The following UTP20 variants were observed in gnomAD, a reference collection of about 807,000 sequenced individuals.
The protein encoded by UTP20 is UTP20 small subunit processome component, also known as small subunit processome component 20 homolog.
A neutral mutation model predicts 329.5 loss-of-function variants in UTP20; 164 were observed. That is an observed-to-expected ratio of 0.50 (90% CI 0.44 to 0.57). The LOEUF (loss-of-function observed/expected upper bound fraction) is 0.57, where lower values mean the gene tolerates loss of function less well. Ranked by LOEUF, UTP20 falls within the 20% of genes least tolerant of loss-of-function variation. UTP20 has a pLI of 0.00. For missense variants in UTP20, 3,055 were observed against 3,284.2 expected (o/e 0.93, Z 1.71); for synonymous variants, 1,151 against 1,159.3 (o/e 0.99, Z 0.14).
At position 101,361,956 on chromosome 12, in the gene UTP20, T is replaced by G; in HGVS notation, c.5692-6T>G. 6.2e-7 allele frequency: 1 copy of G among 1,611,408 alleles called. No individual in the cohort carries two copies. Among genetic ancestry groups the G allele is most frequent in the Non-Finnish European group, 8.5e-7 (1 of 1,177,712 alleles). On this transcript the variant is annotated splice_region_variant and splice_polypyrimidine_tract_variant and intron_variant, in intron 43 of 61. Transcript: ENST00000261637. ...ATTCATGTTGTTGCTGTGTGTCTCA[T>G]GTTAGGTCCATGTGCTGACTTTCAC...
intron 38 of UTP20, 29 bp downstream of exon 38, chr12:101,346,617 C>T (rs929295022): frequency 1.3e-6 from 2 of 1,547,942 alleles, no homozygotes; most frequent in South Asian, 1.3e-5. Flanking sequence ...AAACCAAGGA[C>T]CCTCTTCCCA....
At position 101,356,554 on chromosome 12, in the gene UTP20, A is replaced by G. The variant is rs761708682; in HGVS notation, c.5395A>G (p.Thr1799Ala). 6.2e-6 allele frequency: 10 copies of G among 1,608,706 alleles called. No homozygotes were observed. In the East Asian group the frequency reaches 2.2e-4, roughly 36 times the overall value. ...PRLHKCLAST[T>A]KREEEHKLVK... ...AGCTTAACCTAAATTTTTCTTACAG[A>G]CTAAAAGGGAAGAAGAACACAAGCT... The change falls in exon 42 of 62, where the codon ACT becomes GCT. Residue 1799 changes from threonine to alanine, a missense_variant and splice_region_variant. Around this residue, in one of 3 missense-constraint regions of UTP20, gnomAD observed 2,445 missense variants for 2,575.5 expected, o/e 0.95. Coordinates refer to ENST00000261637, the MANE Select transcript of UTP20 (RefSeq NM_014503.3).
chr12:101,317,510 C>T lies in UTP20; in HGVS notation c.2585C>T (p.Ala862Val). 6.2e-7 allele frequency: 1 copy of T among 1,614,124 alleles called. No homozygotes were observed. Among genetic ancestry groups the T allele is most frequent in the Non-Finnish European group, 8.5e-7 (1 of 1,180,004 alleles). ...NEYYPADLQV[A>V]PTQDLRRKGK... ...TATTACCCAGCAGATCTGCAAGTTG[C>T]TCCAACCCAGGATCTACGGAGAAAA... The change falls in exon 22 of 62, where the codon GCT becomes GTT. Residue 862 changes from alanine (A) to valine (V), a missense_variant. Coordinates refer to ENST00000261637, the MANE Select transcript of UTP20 (RefSeq NM_014503.3).
chr12:101,354,740 G>C (rs774686561), intron 40 of UTP20, 92 bp from the exon 41 acceptor site: 1 of 1,369,632 alleles, frequency 7.3e-7, no homozygotes, highest in African/African-American at 1.5e-5. Flanking sequence ...ATTTTTTATC[G>C]GAAGTTGGAC....
In UTP20 at chr12:101,383,263, T is replaced by C; in HGVS notation, c.7879T>C (p.Ser2627Pro). Residue 2627 changes from serine (S) to proline (P), a missense_variant, in exon 59 of 62, where the codon TCC becomes CCC. This residue lies in a region of UTP20 where 337 missense variants were observed against 345.5 expected (regional missense o/e 0.98). Transcript: ENST00000261637. ...GCTGCTGTGGTTGATCCAGAAGCTG[T>C]CCCGGATTGCAAAACTGGAAGCTGC... Reference protein sequence around the residue: ...ATLLWLIQKLSRIAKLEAAYS... With the variant: ...ATLLWLIQKLPRIAKLEAAYS... 1 of 1,614,114 alleles carries C rather than the reference T, an allele frequency of 6.2e-7. No homozygotes were observed. Among genetic ancestry groups the C allele is most frequent in the Non-Finnish European group, 8.5e-7 (1 of 1,180,034 alleles).
intron 21 of UTP20, among the ~76,000 whole-genome samples, chr12:101,316,143 C>T (rs1872965016): frequency 6.6e-6 from 1 of 152,088 alleles, no homozygotes; most frequent in Non-Finnish European, 1.5e-5. Context: ...AAATATGTTT[C>T]AATTAATTTG....
rs371089875 is a variant in UTP20, at chr12:101,370,593, C to G, written c.6687+30C>G. 1.5e-4 allele frequency: 242 copies of G among 1,600,678 alleles called. 1 individual carries two copies. Among genetic ancestry groups the G allele is most frequent in the Middle Eastern group, 1.5e-3 (9 of 5,970 alleles). On this transcript the variant is annotated intron_variant, in intron 50 of 61. Coordinates refer to ENST00000261637, the MANE Select transcript of UTP20 (RefSeq NM_014503.3). ...GCTGTCGCCAGAATGTTGACTGTTACGGTTTATGAGTTTCACAGCAGATAT... is the reference window on the plus strand; with the variant it reads ...GCTGTCGCCAGAATGTTGACTGTTAGGGTTTATGAGTTTCACAGCAGATAT...
chr12:101,385,449 T>A, intron 60 of UTP20, 134 bp from the exon 61 acceptor site: 1 of 1,028,998 alleles, frequency 9.7e-7, no homozygotes, highest in South Asian at 1.6e-5. Flanking sequence ...AGTTGAAATT[T>A]TGTTTTGTTT....
rs1269543654 is a variant in UTP20, at chr12:101,305,857, A to T, written c.1782-58A>T. ...GATCATTTTCTGTGGCTTATACTAT[A>T]GTCTAGATACTCTGGGTTATATGGT... is the stretch of plus-strand genomic sequence containing the variant. On this transcript the variant is annotated intron_variant, in intron 15 of 61. Coordinates refer to ENST00000261637, the MANE Select transcript of UTP20 (RefSeq NM_014503.3). The T allele has an allele frequency of 2.8e-6, 4 of 1,451,368 alleles. No homozygotes were observed. The East Asian group carries it at 1.0e-4, about 37-fold the overall frequency. 89.9% of individuals were successfully genotyped at this position (1,451,368 alleles called of 1,614,324 possible). A position where few individuals can be genotyped will look rare whatever the true frequency, so the allele number is the denominator to read the frequency against.
chr12:101,371,127 G>A lies in UTP20; in HGVS notation c.6757G>A (p.Val2253Ile), dbSNP rs142287605. The A allele has an allele frequency of 1.1e-5, 17 of 1,613,966 alleles. No individual in the cohort carries two copies. Among genetic ancestry groups the A allele is most frequent in the Middle Eastern group, 1.6e-4 (1 of 6,082 alleles). Residue 2253 changes from valine to isoleucine, a missense_variant, in exon 51 of 62, where the codon GTC becomes ATC. Physicochemically the swap from Val to Ile is conservative, Grantham distance 29 (BLOSUM62 3). This residue lies in a region of UTP20 where 273 missense variants were observed against 363.1 expected (regional missense o/e 0.75). Transcript: ENST00000261637. ...CATGCGGAAAGTATCCAAGTTGGCA[G>A]TCTCTGCACAAAGCGAACCTGCCAG... ...EVMRKVSKLA[V>I]SAQSEPARVQ... is the part of the protein sequence containing the mutation.
chr12:101,353,038 T>C lies in UTP20; in HGVS notation c.5025-9T>C. ...AATGAACATTTCTGTATACTTTTTT[T>C]TTTAACAGTTTGCTAGTAATAGTGT... On this transcript the variant is annotated splice_polypyrimidine_tract_variant and intron_variant, in intron 39 of 61. Coordinates refer to ENST00000261637, the MANE Select transcript of UTP20 (RefSeq NM_014503.3). The C allele has an allele frequency of 6.5e-7, 1 of 1,540,374 alleles. No homozygotes were observed.
At chr12:101,343,205 T>A in intron 35 of UTP20, 112 bp downstream of exon 35, 1 of 667,272 alleles carries the variant, frequency 1.5e-6, no homozygotes, top group Non-Finnish European at 2.3e-6. Flanking sequence ...ACAAAGGTTT[T>A]TAGGATTAAA....
In UTP20 at chr12:101,290,163, T is replaced by C. The variant is rs747836276; in HGVS notation, c.624T>C (p.Asn208=). The C allele has an allele frequency of 3.1e-6, 5 of 1,601,648 alleles. No individual in the cohort carries two copies. Among genetic ancestry groups the C allele is most frequent in the Non-Finnish European group, 4.3e-6 (5 of 1,173,202 alleles). The change falls in exon 7 of 62, where the codon AAT becomes AAC. Residue 208 remains asparagine (N), a synonymous_variant. Coordinates refer to ENST00000261637, the MANE Select transcript of UTP20 (RefSeq NM_014503.3). ...TCTCTGATAAAAACGCACTTTTCAA[T>C]TTAATGTTTCTTGATCTTGATAAAC... The part of the protein sequence containing the change: ...RKVSDKNALF[N]LMFLDLDKHP...
At chr12:101,306,652 T>C (rs1471951620) in intron 16 of UTP20, 47 bp from the exon 17 acceptor site, 2 of 1,539,136 alleles carry the variant, frequency 1.3e-6, no homozygotes, top group East Asian at 4.5e-5. Flanking sequence ...CAGTTTCTTT[T>C]TATGGTTAAA....
chr12:101,310,837 A>G lies in UTP20; in HGVS notation c.2232-882A>G, dbSNP rs186181716. Among the ~76,000 whole-genome samples the G allele has an allele frequency of 2.0e-3, 301 of 152,280 alleles. 4 individuals are homozygous for G. The highest frequency in any genetic ancestry group is 4.7e-4 in the Non-Finnish European group (32 of 68,028). ...TTACTACCCTTGTCTACCTTTTACT[A>G]CAATTTGTCTACCTTTTACTACCTT... On this transcript the variant is annotated intron_variant, in intron 19 of 61. Coordinates refer to ENST00000261637, the MANE Select transcript of UTP20 (RefSeq NM_014503.3).
chr12:101,292,674 A>G (rs1397366833), intron 10 of UTP20, among the ~76,000 whole-genome samples: 1 of 152,236 alleles, frequency 6.6e-6, no homozygotes, highest in African/African-American at 2.4e-5. Flanking sequence ...GTGTGTTCAT[A>G]AATGTTTGCA....
chr12:101,347,644 ATTTCCTCTGTTG>A (rs1361543942), intron 38 of UTP20, among the ~76,000 whole-genome samples: 1 of 152,222 alleles, frequency 6.6e-6, no homozygotes, highest in Non-Finnish European at 1.5e-5. Context: ...ACAATAATAG[ATTTCCTCTGTTG>A]TTTCAGGATA....
intron 36 of UTP20, 148 bp downstream of exon 36, chr12:101,344,898 TGGGAGTG>T: frequency 2.0e-6 from 1 of 503,670 alleles, no homozygotes; most frequent in Non-Finnish European, 3.5e-6. Flanking sequence ...AGACTTTTAA[TGGGAGTG>T]GGTCTAGAAA....
At chr12:101,353,401 G>C (rs1036180333) in intron 40 of UTP20, among the ~76,000 whole-genome samples, 4 of 152,166 alleles carry the variant, frequency 2.6e-5, no homozygotes, top group African/African-American at 7.2e-5. Context: ...TCACCTTCTT[G>C]TGTGAAAAGA....
Sources: gnomAD v4.1 joint callset for allele counts (sites outside exome capture counted in the v4.1 genomes callset) on GRCh38, gnomAD v4.1.1 for gene constraint, gnomAD v4.1.1 regional missense constraint, MANE v1.5 for transcripts, NCBI Gene and HGNC (gene_info 2026-07-23, HGNC 2026-07-21) for gene names.